Variants in SPINK2 observed in about 807,000 individuals in gnomAD.
SPINK2 encodes the protein serine protease inhibitor Kazal-type 2.
Under a neutral mutation model 13.5 loss-of-function variants are expected in SPINK2, and 8 were observed. The observed-to-expected ratio is 0.59, with a 90% CI of 0.35 to 1.07. The LOEUF (loss-of-function observed/expected upper bound fraction) is 1.07. Ranked by LOEUF, SPINK2 falls within the 50% of genes least tolerant of loss-of-function variation. The probability of loss-of-function intolerance (pLI) is 0.02; values close to 1 mark genes in which losing one functional copy is unlikely to be tolerated. For synonymous variants in SPINK2, 76 were observed against 74.7 expected, an observed-to-expected ratio of 1.02 and a Z score of -0.09; for missense variants, 148 against 180.3, an observed-to-expected ratio of 0.82 and a Z score of 1.03.
chr4:56,811,840 T>G (rs749302955), intron 2 of SPINK2, 46 bp from the exon 3 acceptor site: 2 of 1,120,600 alleles, frequency 1.8e-6, no homozygotes, highest in South Asian at 1.3e-5. Flanking sequence ...TGAGACACAC[T>G]CATATAAAAT....
At chr4:56,810,393 G>A in intron 3 of SPINK2, 1 of 546,542 alleles carries the variant, frequency 1.8e-6, no homozygotes, top group East Asian at 3.3e-5. Flanking sequence ...TAGGGCACAG[G>A]ACACTAACCC....
At chr4:56,816,284 G>A (rs1288193929) in intron 2 of SPINK2, among the ~76,000 whole-genome samples, 2 of 152,098 alleles carry the variant, frequency 1.3e-5, no homozygotes, top group Non-Finnish European at 2.9e-5. Flanking sequence ...AGGCATGGTG[G>A]CTCACACCCT....
chr4:56,815,435 C>T (rs1039136155), intron 2 of SPINK2, among the ~76,000 whole-genome samples: 16 of 152,134 alleles, frequency 1.1e-4, no homozygotes, highest in African/African-American at 3.9e-4. Context: ...CAGAGGGGCT[C>T]ATGCCTGTAA....
chr4:56,814,693 G>A lies in SPINK2; in HGVS notation c.250-2899C>T, dbSNP rs558800885. Among the ~76,000 whole-genome samples the A allele has an allele frequency of 7.9e-5, 12 of 152,076 alleles. No individual in the cohort carries two copies. In the East Asian group the frequency reaches 1.9e-3, roughly 25 times the overall value. ...AAAAAAAGAGGTGGCCAGGCGCGGT[G>A]GCTCATGCCTGTAATCCCAGCACTT... On this transcript the variant is annotated intron_variant, in intron 2 of 3. Coordinates refer to ENST00000506738, the MANE Select transcript of SPINK2 (RefSeq NM_001271718.2).
At chr4:56,813,442 C>T (rs1052675570) in intron 2 of SPINK2, among the ~76,000 whole-genome samples, 4 of 152,184 alleles carry the variant, frequency 2.6e-5, no homozygotes, top group African/African-American at 4.8e-5. Flanking sequence ...TGGTACTAGT[C>T]CATGGCCTGT....
chr4:56,812,095 C>T (rs1054132268), intron 2 of SPINK2, among the ~76,000 whole-genome samples: 1 of 151,276 alleles, frequency 6.6e-6, no homozygotes, highest in Non-Finnish European at 1.5e-5. Context: ...AGGGTTTCAC[C>T]GTGTTGACCA....
intron 2 of SPINK2, among the ~76,000 whole-genome samples, chr4:56,815,561 G>A (rs540657778): frequency 2.6e-5 from 4 of 151,976 alleles, no homozygotes; most frequent in Admixed American, 6.6e-5. Flanking sequence ...TTAGCCAGGC[G>A]TGGTGGCAGG....
intron 2 of SPINK2, among the ~76,000 whole-genome samples, chr4:56,815,402 A>C (rs577448472): frequency 6.6e-6 from 1 of 152,250 alleles, no homozygotes; most frequent in East Asian, 1.9e-4. Context: ...GGAAGAAGTA[A>C]AACTATCTCT....
chr4:56,817,745 T>C (rs1056652643), intron 2 of SPINK2, among the ~76,000 whole-genome samples: 2 of 152,006 alleles, frequency 1.3e-5, no homozygotes, highest in Admixed American at 1.3e-4. Context: ...TCCCAGCTAC[T>C]TGGGAGGCTG....
intron 2 of SPINK2, among the ~76,000 whole-genome samples, chr4:56,816,154 A>G (rs904682739): frequency 6.6e-6 from 1 of 152,224 alleles, no homozygotes; most frequent in Non-Finnish European, 1.5e-5. Flanking sequence ...GAAAGATACA[A>G]GATCAATATA....
chr4:56,818,526 T>C (rs577103512), intron 2 of SPINK2, among the ~76,000 whole-genome samples: 167 of 152,224 alleles, frequency 1.1e-3, no homozygotes, highest in Non-Finnish European at 1.8e-3. Context: ...CCGGGCGTGG[T>C]GGCACATGCC....
rs1181821927 is a variant in SPINK2 at position 56,821,591 on chromosome 4, A to C, written c.72T>G (p.Gly24=). The C allele has an allele frequency of 1.3e-6, 2 of 1,548,566 alleles. No homozygotes were observed. The highest frequency in any genetic ancestry group is 2.7e-5 in the African/African-American group (2 of 72,936). The change falls in exon 1 of 4, where the codon GGT becomes GGG. Residue 24 remains glycine, a synonymous_variant. Transcript: ENST00000506738. ...AVTFAGSARS[G]PGERGPPEKS... The stretch of plus-strand genomic sequence containing the variant: ...TCTCCGGAGGTCCCCGCTCGCCAGG[A>C]CCGCTCCGAGCGCTACCTGCGAAGG...
Position 56,821,639 on chromosome 4 carries a change from C to T in SPINK2, c.24G>A (p.Leu8=). The T allele has an allele frequency of 6.5e-7, 1 of 1,546,960 alleles. No homozygotes were observed. MALSVLR[L]ALLLLAVTFA... is the part of the protein sequence containing the mutation. ...AGGTAACTGCCAGGAGCAGCAGCGCCAAGCGCAGCACCGACAGCGCCATCC... is the reference window on the plus strand; with the variant it reads ...AGGTAACTGCCAGGAGCAGCAGCGCTAAGCGCAGCACCGACAGCGCCATCC... Residue 8 remains leucine, a synonymous_variant, in exon 1 of 4, where the codon TTG becomes TTA. Transcript: ENST00000506738.
At chr4:56,813,011 C>A (rs969757971) in intron 2 of SPINK2, among the ~76,000 whole-genome samples, 1 of 152,126 alleles carries the variant, frequency 6.6e-6, no homozygotes, top group African/African-American at 2.4e-5. Context: ...ATTTATTATT[C>A]CTTAATGTCA....
chr4:56,814,658 A>AT (rs571274482), intron 2 of SPINK2, among the ~76,000 whole-genome samples: 3 of 151,608 alleles, frequency 2.0e-5, no homozygotes, highest in African/African-American at 7.3e-5. Context: ...CTCTTTTATG[A>AT]TTTTTTTTAA....
chr4:56,816,797 G>C (rs1432074197), intron 2 of SPINK2: 1 of 150,738 alleles, frequency 6.6e-6, no homozygotes, highest in Non-Finnish European at 1.5e-5. Flanking sequence ...AGAATCACTT[G>C]AACCTGTGAG....
At chr4:56,816,985 C>T (rs532205891) in intron 2 of SPINK2, among the ~76,000 whole-genome samples, 4 of 151,816 alleles carry the variant, frequency 2.6e-5, no homozygotes, top group African/African-American at 4.8e-5. Context: ...GGGCAGATCA[C>T]GAGGTCAGGA....
Position 56,811,704 on chromosome 4 carries a change from TACATTCATTGGCATAAGTGG to T in SPINK2, c.320_339del (p.Ser107TyrfsTer12). ...TGTTACCTGATTTTCATGCACAGAG[TACATTCATTGGCATAAGTGG>T]ACATGTCACTGCCACACACAGGGTT... On this transcript the variant is annotated frameshift_variant, in exon 3 of 4. Coordinates refer to ENST00000506738, the MANE Select transcript of SPINK2 (RefSeq NM_001271718.2). LOFTEE classifies it high-confidence loss of function. 1 of 1,608,460 alleles carries T rather than the reference TACATTCATTGGCATAAGTGG, an allele frequency of 6.2e-7. No individual in the cohort carries two copies. Among genetic ancestry groups the T allele is most frequent in the Non-Finnish European group, 8.5e-7 (1 of 1,176,498 alleles).
At position 56,821,654 on chromosome 4, in the gene SPINK2, C is replaced by T. The variant is rs1010556850; in HGVS notation, c.9G>A (p.Leu3=). 3.2e-6 allele frequency: 5 copies of T among 1,538,822 alleles called. No individual in the cohort carries two copies. In the Admixed American group the frequency reaches 9.9e-5, roughly 31 times the overall value. The change falls in exon 1 of 4, where the codon CTG becomes CTA. Residue 3 remains leucine (L), a synonymous_variant. Transcript: ENST00000506738. MA[L]SVLRLALLLL... ...GCAGCAGCGCCAAGCGCAGCACCGA[C>T]AGCGCCATCCTCCTCCCGCGCCGGC...
Sources: gnomAD v4.1 joint callset for allele counts (sites outside exome capture counted in the v4.1 genomes callset) on GRCh38, gnomAD v4.1.1 for gene constraint, MANE v1.5 for transcripts, NCBI Gene and HGNC (gene_info 2026-07-23, HGNC 2026-07-21) for gene names.